The following GSTA3 variants were observed in gnomAD, a reference collection of about 807,000 sequenced individuals.
GSTA3 encodes glutathione S-transferase A3.
In GSTA3, 16 loss-of-function variants were observed where a neutral mutation model predicts 23.1. The observed-to-expected ratio is 0.69, with a 90% CI of 0.47 to 1.05. The LOEUF (loss-of-function observed/expected upper bound fraction) is 1.05. Among genes scored for constraint, GSTA3 ranks in the 50% least tolerant of loss-of-function variants. The pLI is 0.00. For missense variants in GSTA3, 319 were observed against 263.6 expected, an observed-to-expected ratio of 1.21 and a Z score of -1.46; for synonymous variants, 122 against 91.0, an observed-to-expected ratio of 1.34 and a Z score of -1.94.
intron 1 of GSTA3, 40 bp downstream of exon 1, chr6:52,909,601 C>T (rs1280373395): frequency 6.6e-6 from 1 of 152,186 alleles, no homozygotes; most frequent in Non-Finnish European, 1.5e-5. Flanking sequence ...GTGAAGTAGA[C>T]ATGAGAACAT....
At chr6:52,897,518 G>C (rs1023940423) in intron 6 of GSTA3, among the ~76,000 whole-genome samples, 1 of 152,178 alleles carries the variant, frequency 6.6e-6, no homozygotes, top group Non-Finnish European at 1.5e-5. Context: ...TGGGATAAAG[G>C]GAATCACAGA....
intron 1 of GSTA3, among the ~76,000 whole-genome samples, chr6:52,908,797 G>C (rs1260531689): frequency 2.0e-5 from 3 of 152,192 alleles, no homozygotes; most frequent in African/African-American, 7.2e-5. Flanking sequence ...CAGCTTAAGA[G>C]GGGGTTATTA....
intron 1 of GSTA3, among the ~76,000 whole-genome samples, chr6:52,907,156 C>A (rs1413313987): frequency 1.6e-5 from 2 of 124,714 alleles, no homozygotes; most frequent in Non-Finnish European, 3.2e-5. Flanking sequence ...GGGCGAAGGA[C>A]ATGAACAGAC....
intron 1 of GSTA3, among the ~76,000 whole-genome samples, chr6:52,907,341 G>A (rs1449679307): frequency 7.7e-6 from 1 of 129,952 alleles, no homozygotes; most frequent in African/African-American, 3.1e-5. Flanking sequence ...TGGAGAGGAT[G>A]TGGAGAAATA....
intron 4 of GSTA3, among the ~76,000 whole-genome samples, chr6:52,902,121 G>C (rs1225226787): frequency 6.6e-6 from 1 of 152,132 alleles, no homozygotes; most frequent in Admixed American, 6.6e-5. Flanking sequence ...TCAGGGTGCT[G>C]GATCCATGGA....
intron 4 of GSTA3, among the ~76,000 whole-genome samples, 154 bp from the exon 5 acceptor site, chr6:52,900,229 C>T (rs1042352123): frequency 2.4e-4 from 36 of 150,894 alleles, no homozygotes; most frequent in African/African-American, 8.3e-4. Context: ...CTGATTTTTG[C>T]ATGTATGTTG....
chr6:52,905,343 ACAT>A (rs368652754), intron 2 of GSTA3, among the ~76,000 whole-genome samples: 1 of 152,176 alleles, frequency 6.6e-6, no homozygotes, highest in African/African-American at 2.4e-5. Context: ...CATAACAGAA[ACAT>A]CATACCTAAC....
chr6:52,903,134 T>C (rs1765751806), intron 3 of GSTA3, among the ~76,000 whole-genome samples: 1 of 152,088 alleles, frequency 6.6e-6, no homozygotes, highest in Admixed American at 6.5e-5. Context: ...GCACTGGGGA[T>C]GGTTCCTCTA....
rs1414954382 is a variant in GSTA3, at chr6:52,905,482, C to G, written c.87+266G>C. Among the ~76,000 whole-genome samples the G allele has an allele frequency of 3.9e-5, 6 of 151,954 alleles. No individual in the cohort carries two copies. In the South Asian group the frequency reaches 1.0e-3, roughly 26 times the overall value. The stretch of plus-strand genomic sequence containing the variant: ...TTTATAGTTTGTTTAAATCCTAATG[C>G]AAATAAGGTCCACTCATTGTGATTA... On this transcript the variant is annotated intron_variant, in intron 2 of 6. Coordinates refer to ENST00000211122, the MANE Select transcript of GSTA3 (RefSeq NM_000847.5).
rs1206587592 is a variant in GSTA3 at position 52,902,408 on chromosome 6, G to A, written c.210C>T (p.Ala70=). ...IDGMKLVQTR[A]ILNYIASKYN... Reference sequence around the variant, plus strand: ...ATTTGCTGGCAATGTAGTTGAGAATGGCTCTGGTCTGTACCAACTTCATCC... The same window carrying A: ...ATTTGCTGGCAATGTAGTTGAGAATAGCTCTGGTCTGTACCAACTTCATCC... Residue 70 remains alanine (A), a synonymous_variant, in exon 4 of 7, where the codon GCC becomes GCT. Coordinates refer to ENST00000211122, the MANE Select transcript of GSTA3 (RefSeq NM_000847.5). The A allele has an allele frequency of 2.5e-6, 4 of 1,613,848 alleles. No homozygotes were observed. The highest frequency in any genetic ancestry group is 1.7e-5 in the Admixed American group (1 of 60,002).
At chr6:52,904,795 A>G (rs1365636834) in intron 2 of GSTA3, among the ~76,000 whole-genome samples, 2 of 152,164 alleles carry the variant, frequency 1.3e-5, no homozygotes, top group Non-Finnish European at 2.9e-5. Flanking sequence ...ACCTCCCAGC[A>G]TTTCCTGCTC....
chr6:52,907,235 C>A (rs1226498885), intron 1 of GSTA3, among the ~76,000 whole-genome samples: 1 of 114,112 alleles, frequency 8.8e-6, no homozygotes, highest in Non-Finnish European at 1.7e-5. Context: ...CTCACCATCA[C>A]TGGCCATCAG....
chr6:52,899,979 CA>C lies in GSTA3; in HGVS notation c.368del (p.Leu123Ter). 1 of 1,614,024 alleles carries C rather than the reference CA, an allele frequency of 6.2e-7. No homozygotes were observed. The highest frequency in any genetic ancestry group is 8.5e-7 in the Non-Finnish European group (1 of 1,179,964). ...RPEEKDAKIA[L>X]IKEKTKSRYF... Reference sequence around the variant, plus strand: ...AGCGACTTTTTGTTTTCTCTTTGATCAAGGCAATCTTGGCATCTTTTTCCTC... The same window carrying C: ...AGCGACTTTTTGTTTTCTCTTTGATCAGGCAATCTTGGCATCTTTTTCCTC... On this transcript the variant is annotated frameshift_variant, in exon 5 of 7. Coordinates refer to ENST00000211122, the MANE Select transcript of GSTA3 (RefSeq NM_000847.5). LOFTEE classifies it high-confidence loss of function.
intron 5 of GSTA3, among the ~76,000 whole-genome samples, chr6:52,898,354 C>G (rs1765535184): frequency 6.6e-6 from 1 of 152,154 alleles, no homozygotes; most frequent in South Asian, 2.1e-4. Flanking sequence ...TGGGCAGTGA[C>G]TCCACCTTCA....
At chr6:52,900,675 C>T (rs1266231364) in intron 4 of GSTA3, among the ~76,000 whole-genome samples, 1 of 152,182 alleles carries the variant, frequency 6.6e-6, no homozygotes, top group Non-Finnish European at 1.5e-5. Context: ...CAGTCACAGT[C>T]ATGAGAGAAA....
At chr6:52,898,472 C>T (rs1765539755) in intron 5 of GSTA3, among the ~76,000 whole-genome samples, 1 of 152,152 alleles carries the variant, frequency 6.6e-6, no homozygotes, top group African/African-American at 2.4e-5. Flanking sequence ...TTCCACAGCC[C>T]ACGTTCTACT....
At chr6:52,898,128 C>G (rs1313538990) in intron 5 of GSTA3, among the ~76,000 whole-genome samples, 172 bp from the exon 6 acceptor site, 1 of 152,140 alleles carries the variant, frequency 6.6e-6, no homozygotes, top group East Asian at 1.9e-4. Flanking sequence ...AAGAATGTGG[C>G]TCTGCTCACT....
intron 1 of GSTA3, among the ~76,000 whole-genome samples, chr6:52,906,676 G>A (rs1428620127): frequency 6.6e-6 from 1 of 151,882 alleles, no homozygotes; most frequent in Non-Finnish European, 1.5e-5. Flanking sequence ...ACAACTATCT[G>A]ATCTTTGACA....
At chr6:52,901,472 G>A (rs1402692614) in intron 4 of GSTA3, among the ~76,000 whole-genome samples, 1 of 152,166 alleles carries the variant, frequency 6.6e-6, no homozygotes, top group Admixed American at 6.5e-5. Flanking sequence ...CTTTTCATGA[G>A]TAAATATTGT....
Sources: allele counts gnomAD v4.1 joint callset (sites outside exome capture counted in the v4.1 genomes callset), GRCh38; gene constraint gnomAD v4.1.1; transcripts MANE v1.5; gene names NCBI Gene and HGNC (gene_info 2026-07-23, HGNC 2026-07-21).